Variants in WDFY2 observed in about 807,000 individuals in gnomAD.
WDFY2 encodes the protein WD repeat and FYVE domain-containing protein 2.
In WDFY2, 36 loss-of-function variants were observed where a neutral mutation model predicts 56.4. The observed-to-expected ratio is 0.64, with a 90% CI of 0.49 to 0.84. WDFY2 has a LOEUF of 0.84. Among genes scored for constraint, WDFY2 ranks in the 40% least tolerant of loss-of-function variants. The probability of loss-of-function intolerance (pLI) is 0.00; values close to 1 mark genes in which losing one functional copy is unlikely to be tolerated. For missense variants in WDFY2, 444 were observed against 512.2 expected (o/e 0.87, Z 1.29); for synonymous variants, 176 against 183.7 (o/e 0.96, Z 0.34).
intron 1 of WDFY2, among the ~76,000 whole-genome samples, chr13:51,632,947 C>CA (rs1430608913): frequency 6.6e-6 from 1 of 151,962 alleles, no homozygotes; most frequent in Non-Finnish European, 1.5e-5. Flanking sequence ...TCATTCCAGG[C>CA]AAAAATAGGG....
At chr13:51,645,843 A>G (rs551690563) in intron 1 of WDFY2, among the ~76,000 whole-genome samples, 36 of 152,030 alleles carry the variant, frequency 2.4e-4, no homozygotes, top group African/African-American at 8.7e-4. Context: ...CCAAATCTTA[A>G]TTTTCAGCCC....
intron 1 of WDFY2, among the ~76,000 whole-genome samples, chr13:51,659,892 AT>A (rs1475065296): frequency 1.3e-5 from 2 of 152,276 alleles, no homozygotes; most frequent in African/African-American, 4.8e-5. Context: ...ATATTTTTTC[AT>A]TTGATCTCTT....
chr13:51,633,717 A>G (rs1040517345), intron 1 of WDFY2, among the ~76,000 whole-genome samples: 2 of 152,220 alleles, frequency 1.3e-5, no homozygotes, highest in Non-Finnish European at 2.9e-5. Context: ...CACATGCATC[A>G]TCTTGATTCT....
At chr13:51,622,947 T>C (rs1269452710) in intron 1 of WDFY2, among the ~76,000 whole-genome samples, 2 of 135,502 alleles carry the variant, frequency 1.5e-5, no homozygotes, top group Admixed American at 8.4e-5. Flanking sequence ...AGCCTCCACC[T>C]CCCGGGTTCA....
At position 51,751,272 on chromosome 13, in the gene WDFY2, TCTC is replaced by T. The variant is rs747153124; in HGVS notation, c.726-35_726-33del. 5 of 1,595,356 alleles carry T rather than the reference TCTC, an allele frequency of 3.1e-6. No individual in the cohort carries two copies. The Admixed American group carries it at 7.2e-5, about 23-fold the overall frequency. On this transcript the variant is annotated intron_variant, in intron 7 of 11. Coordinates refer to ENST00000298125, the MANE Select transcript of WDFY2 (RefSeq NM_052950.4). ...TTCTGCTGCGAGGCCTTGCATTTGTTCTCCTAAACTGTCAATAACCCTTGGTTT... is the reference window on the plus strand; with the variant it reads ...TTCTGCTGCGAGGCCTTGCATTTGTTCTAAACTGTCAATAACCCTTGGTTT...
At chr13:51,703,955 A>G (rs1246288750) in intron 4 of WDFY2, among the ~76,000 whole-genome samples, 1 of 152,264 alleles carries the variant, frequency 6.6e-6, no homozygotes, top group East Asian at 1.9e-4. Context: ...AAGTGGGTCC[A>G]GTAAAAAGCT....
chr13:51,739,377 G>C (rs1452516820), intron 7 of WDFY2, among the ~76,000 whole-genome samples: 1 of 152,006 alleles, frequency 6.6e-6, no homozygotes, highest in Non-Finnish European at 1.5e-5. Context: ...CAGAGCATTT[G>C]AGAGTGCTTA....
chr13:51,610,306 T>C (rs1954474639), intron 1 of WDFY2, among the ~76,000 whole-genome samples: 2 of 151,148 alleles, frequency 1.3e-5, no homozygotes, highest in Admixed American at 1.3e-4. Context: ...TTTTTATGAA[T>C]ATAAAGTTTC....
chr13:51,647,584 C>G (rs929997720), intron 1 of WDFY2, among the ~76,000 whole-genome samples: 3 of 151,938 alleles, frequency 2.0e-5, no homozygotes, highest in Non-Finnish European at 4.4e-5. Context: ...GTGAGACCTC[C>G]GTCTCTATAA....
At chr13:51,738,080 T>G (rs962728643) in intron 6 of WDFY2, among the ~76,000 whole-genome samples, 5 of 152,288 alleles carry the variant, frequency 3.3e-5, no homozygotes, top group African/African-American at 1.2e-4. Flanking sequence ...AGCACTTCAT[T>G]AGAACAAACT....
chr13:51,597,442 C>T (rs1051240757), intron 1 of WDFY2, among the ~76,000 whole-genome samples: 10 of 152,206 alleles, frequency 6.6e-5, no homozygotes, highest in African/African-American at 2.4e-4. Flanking sequence ...GAACTGTTTT[C>T]ACATTGCACA....
At chr13:51,635,641 T>A (rs1436371141) in intron 1 of WDFY2, among the ~76,000 whole-genome samples, 1 of 152,208 alleles carries the variant, frequency 6.6e-6, no homozygotes, top group African/African-American at 2.4e-5. Flanking sequence ...CGGGAGGAAC[T>A]CCTGGTTCTT....
At chr13:51,630,945 A>G (rs1954940396) in intron 1 of WDFY2, among the ~76,000 whole-genome samples, 1 of 150,238 alleles carries the variant, frequency 6.7e-6, no homozygotes, top group African/African-American at 2.4e-5. Flanking sequence ...CGCCCAGCTA[A>G]TTTTCTGTAT....
intron 1 of WDFY2, among the ~76,000 whole-genome samples, chr13:51,643,992 G>A (rs1368551997): frequency 6.6e-6 from 1 of 152,158 alleles, no homozygotes; most frequent in African/African-American, 2.4e-5. Context: ...ATTGATTAAT[G>A]TGATGTGTCC....
chr13:51,732,529 G>C (rs1442993735), intron 6 of WDFY2, among the ~76,000 whole-genome samples: 1 of 152,192 alleles, frequency 6.6e-6, no homozygotes. Context: ...AGGAGGGCTT[G>C]AATGTAAATC....
chr13:51,748,298 C>T (rs190595451), intron 7 of WDFY2, among the ~76,000 whole-genome samples: 56 of 152,336 alleles, frequency 3.7e-4, no homozygotes, highest in African/African-American at 1.3e-3. Context: ...GGAGCCAACG[C>T]GTTAGTGATA....
intron 8 of WDFY2, among the ~76,000 whole-genome samples, chr13:51,754,901 G>A (rs1254304612): frequency 6.6e-6 from 1 of 152,048 alleles, no homozygotes; most frequent in South Asian, 2.1e-4. Flanking sequence ...AATTTTAATG[G>A]TAATAAGCTG....
At chr13:51,704,391 A>G (rs568132682) in intron 4 of WDFY2, among the ~76,000 whole-genome samples, 3 of 152,370 alleles carry the variant, frequency 2.0e-5, no homozygotes, top group Admixed American at 1.3e-4. Context: ...TTCTGGTAAC[A>G]GAATTGTAAT....
intron 7 of WDFY2, among the ~76,000 whole-genome samples, chr13:51,748,785 C>G (rs1311746727): frequency 6.6e-6 from 1 of 150,756 alleles, no homozygotes; most frequent in Non-Finnish European, 1.5e-5. Flanking sequence ...AGCAAGCCAT[C>G]AAAACTGAGG....
Sources: allele counts gnomAD v4.1 joint callset (sites outside exome capture counted in the v4.1 genomes callset), GRCh38; gene constraint gnomAD v4.1.1; transcripts MANE v1.5; gene names NCBI Gene and HGNC (gene_info 2026-07-23, HGNC 2026-07-21).